Variants in CACHD1 observed in about 807,000 individuals in gnomAD.
The protein encoded by CACHD1 is VWFA and cache domain-containing protein 1.
In CACHD1, 71 loss-of-function variants were observed where a neutral mutation model predicts 138.7. That is an observed-to-expected ratio of 0.51 (90% CI 0.42 to 0.62). The LOEUF is 0.62. Among genes scored for constraint, CACHD1 ranks in the 20% least tolerant of loss-of-function variants. The pLI is 0.00. For synonymous variants in CACHD1, 578 were observed against 591.5 expected (o/e 0.98, Z 0.33); for missense variants, 1,389 against 1,625.3 (o/e 0.85, Z 2.50).
At chr1:64,624,247 A>G (rs1035119667) in intron 4 of CACHD1, among the ~76,000 whole-genome samples, 1 of 152,234 alleles carries the variant, frequency 6.6e-6, no homozygotes, top group Non-Finnish European at 1.5e-5. Flanking sequence ...AAACTGTGCT[A>G]TAGTGTTGGA....
At chr1:64,488,097 T>C (rs1297350264) in intron 1 of CACHD1, among the ~76,000 whole-genome samples, 2 of 152,192 alleles carry the variant, frequency 1.3e-5, no homozygotes, top group Non-Finnish European at 2.9e-5. Flanking sequence ...ACAAAGAGAA[T>C]TGGTACTTTT....
intron 8 of CACHD1, 24 bp from the exon 9 acceptor site, chr1:64,647,777 T>C: frequency 6.2e-7 from 1 of 1,607,054 alleles, no homozygotes; most frequent in South Asian, 1.1e-5. Flanking sequence ...CTTTCCGTGG[T>C]CTTCTCTCGG....
At chr1:64,476,903 G>A (rs1219477937) in intron 1 of CACHD1, among the ~76,000 whole-genome samples, 1 of 152,170 alleles carries the variant, frequency 6.6e-6, no homozygotes, top group Non-Finnish European at 1.5e-5. Context: ...GAGCAGGCAG[G>A]AACCTTGCAG....
intron 1 of CACHD1, among the ~76,000 whole-genome samples, chr1:64,533,267 A>G (rs920400577): frequency 3.9e-5 from 6 of 152,218 alleles, no homozygotes; most frequent in African/African-American, 1.4e-4. Context: ...GAGATACAAG[A>G]ATCACTTGAA....
chr1:64,532,745 G>T (rs1646597828), intron 1 of CACHD1, among the ~76,000 whole-genome samples: 1 of 152,196 alleles, frequency 6.6e-6, no homozygotes, highest in East Asian at 1.9e-4. Flanking sequence ...GGGCCTGGAA[G>T]TGGCAAGAGA....
intron 9 of CACHD1, 49 bp downstream of exon 9, chr1:64,648,083 A>G (rs370465858): frequency 2.1e-6 from 3 of 1,403,412 alleles, no homozygotes; most frequent in Non-Finnish European, 2.0e-6. Context: ...AGAACTGGGC[A>G]GATAGAAATG....
chr1:64,610,181 T>C (rs1172593835), intron 4 of CACHD1, among the ~76,000 whole-genome samples: 3 of 152,196 alleles, frequency 2.0e-5, no homozygotes, highest in Non-Finnish European at 2.9e-5. Flanking sequence ...ATGGGGATTA[T>C]GGAAACTACA....
intron 1 of CACHD1, among the ~76,000 whole-genome samples, chr1:64,535,625 C>G (rs1646626523): frequency 6.6e-6 from 1 of 152,066 alleles, no homozygotes; most frequent in Non-Finnish European, 1.5e-5. Flanking sequence ...ACAGCCAGCT[C>G]TGGGAATTTG....
intron 2 of CACHD1, among the ~76,000 whole-genome samples, chr1:64,558,585 CA>C (rs1646815827): frequency 6.6e-6 from 1 of 152,128 alleles, no homozygotes; most frequent in African/African-American, 2.4e-5. Context: ...GACATTGGAA[CA>C]GGCAAAGATT....
intron 7 of CACHD1, among the ~76,000 whole-genome samples, chr1:64,639,726 A>G (rs1648642199): frequency 6.6e-6 from 1 of 152,254 alleles, no homozygotes; most frequent in Non-Finnish European, 1.5e-5. Context: ...TTGTGTCTTC[A>G]CCATTAGGAT....
intron 8 of CACHD1, among the ~76,000 whole-genome samples, chr1:64,642,216 G>A (rs1030400809): frequency 1.3e-5 from 2 of 152,138 alleles, no homozygotes; most frequent in African/African-American, 4.8e-5. Context: ...TCTTGCAGAG[G>A]ATTTTATACA....
intron 2 of CACHD1, among the ~76,000 whole-genome samples, chr1:64,566,875 A>G (rs1646887075): frequency 6.6e-6 from 1 of 152,122 alleles, no homozygotes. Flanking sequence ...TAATATATTC[A>G]CATATATGTT....
At chr1:64,603,817 C>T (rs574129395) in intron 4 of CACHD1, among the ~76,000 whole-genome samples, 1 of 152,290 alleles carries the variant, frequency 6.6e-6, no homozygotes, top group East Asian at 1.9e-4. Flanking sequence ...CCATATTTCT[C>T]TTTCTTTTTG....
chr1:64,493,702 T>G (rs911510534), intron 1 of CACHD1, among the ~76,000 whole-genome samples: 3 of 152,162 alleles, frequency 2.0e-5, no homozygotes, highest in African/African-American at 7.2e-5. Context: ...CCCAGGGAAT[T>G]ACCAAGAAGA....
intron 26 of CACHD1, 36 bp from the exon 27 acceptor site, chr1:64,691,287 G>A: frequency 6.3e-7 from 1 of 1,591,590 alleles, no homozygotes; most frequent in Non-Finnish European, 8.6e-7. Context: ...GCGTCTTGAA[G>A]CTCTCAGCTG....
intron 3 of CACHD1, among the ~76,000 whole-genome samples, chr1:64,592,946 T>C (rs1226346476): frequency 6.6e-6 from 1 of 152,188 alleles, no homozygotes; most frequent in Non-Finnish European, 1.5e-5. Flanking sequence ...AACTAGGTTT[T>C]CTTGGAGAGT....
intron 1 of CACHD1, among the ~76,000 whole-genome samples, chr1:64,526,575 G>A (rs532058928): frequency 3.2e-4 from 49 of 152,358 alleles, no homozygotes; most frequent in African/African-American, 1.1e-3. Flanking sequence ...AAAGACTTGA[G>A]GAGGGGGGTG....
At chr1:64,588,420 CTTT>C (rs149322683) in intron 3 of CACHD1, among the ~76,000 whole-genome samples, 2,448 of 145,098 alleles carry the variant, frequency 0.017, 63 homozygotes, top group African/African-American at 0.058. Context: ...CAAATCAATA[CTTT>C]TTTTTTTTTT....
chr1:64,606,278 G>A (rs941853141), intron 4 of CACHD1, among the ~76,000 whole-genome samples: 2 of 152,150 alleles, frequency 1.3e-5, no homozygotes, highest in South Asian at 2.1e-4. Flanking sequence ...GGGGGGAGGA[G>A]CAGATGACTT....
Sources: gnomAD v4.1 joint callset for allele counts (sites outside exome capture counted in the v4.1 genomes callset) on GRCh38, gnomAD v4.1.1 for gene constraint, MANE v1.5 for transcripts, NCBI Gene and HGNC (gene_info 2026-07-23, HGNC 2026-07-21) for gene names.